Variants in P2RX5 observed in about 807,000 individuals in gnomAD.
P2RX5 encodes P2X purinoceptor 5.
Under a neutral mutation model 54.1 loss-of-function variants are expected in P2RX5, and 46 were observed. That is an observed-to-expected ratio of 0.85 (90% confidence interval 0.67 to 1.09). The LOEUF (loss-of-function observed/expected upper bound fraction) is 1.09. Ranked by LOEUF, P2RX5 falls within the 50% of genes least tolerant of loss-of-function variation. The probability of loss-of-function intolerance (pLI) is 0.00; values close to 1 mark genes in which losing one functional copy is unlikely to be tolerated. For missense variants in P2RX5, 566 were observed against 549.8 expected (o/e 1.03, Z -0.29); for synonymous variants, 226 against 226.4 (o/e 1.00, Z 0.02).
chr17:3,688,622 T>C lies in P2RX5; in HGVS notation c.887+4A>G. 6.2e-7 allele frequency: 1 copy of C among 1,614,068 alleles called. No homozygotes were observed. Among genetic ancestry groups the C allele is most frequent in the South Asian group, 1.1e-5 (1 of 91,082 alleles). On this transcript the variant is annotated splice_donor_region_variant and intron_variant, in intron 8 of 11. Coordinates refer to ENST00000225328, the MANE Select transcript of P2RX5 (RefSeq NM_002561.4). ...GTCACAAGTGGGCACAAGGCAGCGG[T>C]TACCTGAAGTTGTACCCGGAGGAGA...
At chr17:3,676,002 G>A in intron 11 of P2RX5, 1 of 985,376 alleles carries the variant, frequency 1.0e-6, no homozygotes, top group Non-Finnish European at 1.2e-6. Flanking sequence ...CAAAGCCTCA[G>A]TGGAGGGATG....
chr17:3,675,169 A>G (rs543855212), intron 11 of P2RX5: 1 of 163,464 alleles, frequency 6.1e-6, no homozygotes, highest in African/African-American at 2.4e-5. Flanking sequence ...CCTCCTGAGT[A>G]GCTGGGACTA....
At chr17:3,691,604 C>T (rs2050619105) in intron 2 of P2RX5, 40 bp downstream of exon 2, 13 of 1,613,502 alleles carry the variant, frequency 8.1e-6, no homozygotes, top group Non-Finnish European at 1.1e-5. Flanking sequence ...ACCAGGCAGT[C>T]CCTGCCAGCC....
the P2RX5 span, among the ~76,000 whole-genome samples, chr17:3,714,072 C>A: frequency 4.0e-5 from 6 of 151,560 alleles, no homozygotes; most frequent in Admixed American, 2.6e-4. Context: ...GGACTACAGG[C>A]ACCTGCCACC....
At chr17:3,708,662 A>G in the P2RX5 span, among the ~76,000 whole-genome samples, 2 of 152,336 alleles carry the variant, frequency 1.3e-5, no homozygotes, top group South Asian at 4.1e-4. Flanking sequence ...AGCAATTACA[A>G]AAAGTTTTTA....
the P2RX5 span, among the ~76,000 whole-genome samples, chr17:3,705,127 G>A: frequency 4.6e-5 from 7 of 152,148 alleles, no homozygotes; most frequent in Non-Finnish European, 7.3e-5. Flanking sequence ...TCCCGGCGCT[G>A]GCTTCCCCCA....
intron 11 of P2RX5, among the ~76,000 whole-genome samples, chr17:3,679,370 C>T (rs1383858616): frequency 6.6e-6 from 1 of 152,184 alleles, no homozygotes; most frequent in Non-Finnish European, 1.5e-5. Context: ...CAGCAGGCAC[C>T]CATGGCCATC....
upstream of P2RX5, among the ~76,000 whole-genome samples, chr17:3,700,508 G>A (rs929917859): frequency 6.6e-6 from 1 of 151,264 alleles, no homozygotes; most frequent in African/African-American, 2.4e-5. Context: ...ACTCCAGCCT[G>A]GGCGACAGAG....
chr17:3,690,348 G>T, intron 5 of P2RX5, 79 bp downstream of exon 5: 4 of 1,242,628 alleles, frequency 3.2e-6, no homozygotes, highest in South Asian at 1.2e-5. Context: ...CCCAGAGTGG[G>T]CAGGACTCCA....
At chr17:3,712,862 G>C in the P2RX5 span, among the ~76,000 whole-genome samples, 1 of 152,022 alleles carries the variant, frequency 6.6e-6, no homozygotes, top group African/African-American at 2.4e-5. Context: ...AGAATTGCTG[G>C]AACCCGGGAG....
chr17:3,673,282 A>C lies in P2RX5; in HGVS notation c.*586T>G. 1.0e-6 allele frequency: 1 copy of C among 991,826 alleles called. No homozygotes were observed. The highest frequency in any genetic ancestry group is 1.7e-5 in the African/African-American group (1 of 57,432). The allele number at this position is 991,826 out of a possible 1,614,324, so 61.4% of individuals were successfully genotyped here. On this transcript the variant is annotated 3_prime_UTR_variant, in exon 12 of 12. Coordinates refer to ENST00000225328, the MANE Select transcript of P2RX5 (RefSeq NM_002561.4). ...ACCAAATAAGAGTGTCAGAGAATAC[A>C]TATCTTGGGCAGGTCCCAGAAAGCG...
intron 9 of P2RX5, among the ~76,000 whole-genome samples, chr17:3,683,201 A>G (rs1407061517): frequency 6.6e-6 from 1 of 152,114 alleles, no homozygotes; most frequent in Admixed American, 6.5e-5. Context: ...TGGGGCCTGA[A>G]TGATAGAGGA....
At chr17:3,695,121 G>A (rs1346489633) in intron 1 of P2RX5, among the ~76,000 whole-genome samples, 1 of 152,226 alleles carries the variant, frequency 6.6e-6, no homozygotes, top group Non-Finnish European at 1.5e-5. Flanking sequence ...AGTGGAATGA[G>A]GCGCATCCCC....
At position 3,695,870 on chromosome 17, in the gene P2RX5, C is replaced by T. The variant is rs201411192; in HGVS notation, c.136G>A (p.Val46Ile). The T allele has an allele frequency of 6.5e-5, 104 of 1,603,586 alleles. No homozygotes were observed. The highest frequency in any genetic ancestry group is 2.8e-4 in the Admixed American group (17 of 59,704). ...LQASILAYLV[V>I]WVFLIKKGYQ... ...CCCAAAAGTCCGCGGAGAACTTACA[C>T]GACCAGGTACGCCAGGATGGAGGCC... Residue 46 changes from valine to isoleucine, a missense_variant and splice_region_variant, in exon 1 of 12, where the codon GTA (valine) becomes ATA (isoleucine). Val to Ile is a conservative substitution (Grantham distance 29). Coordinates refer to ENST00000225328, the MANE Select transcript of P2RX5 (RefSeq NM_002561.4).
rs2050025438 is a variant in P2RX5, at chr17:3,673,317, TCCC to T, written c.*548_*550del. 5 of 992,766 alleles carry T rather than the reference TCCC, an allele frequency of 5.0e-6. No homozygotes were observed. The highest frequency in any genetic ancestry group is 6.0e-6 in the Non-Finnish European group (5 of 833,670). 61.5% of individuals were successfully genotyped at this position (992,766 alleles called of 1,614,324 possible). ...CAGGTCCCAGAAAGCGTCTGCCATC[TCCC>T]CCACTTTAATTCTGTGTACTGGCCT... is the stretch of plus-strand genomic sequence containing the variant. On this transcript the variant is annotated 3_prime_UTR_variant, in exon 12 of 12. Coordinates refer to ENST00000225328, the MANE Select transcript of P2RX5 (RefSeq NM_002561.4).
Position 3,683,748 on chromosome 17 carries a change from A to AAAG in P2RX5, c.982-1771_982-1770insCTT, listed in dbSNP as rs71379594. ...CCGTCTCAAAAAAAAAAAAAAAAAA[A>AAAG]GAAAAGTGATAGCTGAAGGTGGGCC... On this transcript the variant is annotated intron_variant, in intron 9 of 11. Transcript: ENST00000225328. 3.4e-4 allele frequency among the ~76,000 whole-genome samples: 48 copies of AAAG among 142,448 alleles called. 3 individuals are homozygous for AAAG. Among genetic ancestry groups the AAAG allele is most frequent in the South Asian group, 4.4e-4 (2 of 4,540 alleles). The allele number at this position is 142,448 out of a possible 152,430, so 93.5% of individuals were successfully genotyped here. A position where few individuals can be genotyped will look rare whatever the true frequency, so the allele number is the denominator to read the frequency against.
chr17:3,690,726 C>A, intron 3 of P2RX5, 46 bp from the exon 4 acceptor site: 3 of 1,578,272 alleles, frequency 1.9e-6, no homozygotes, highest in East Asian at 2.2e-5. Context: ...TCCCCCAGCT[C>A]AGAGCCGGGT....
the P2RX5 span, among the ~76,000 whole-genome samples, chr17:3,707,975 G>A: frequency 8.0e-5 from 12 of 150,914 alleles, no homozygotes; most frequent in South Asian, 6.3e-4. Flanking sequence ...GGAGAATGGC[G>A]TGAACCCGGG....
Position 3,679,584 on chromosome 17 carries a change from C to T in P2RX5, c.1259+6G>A, listed in dbSNP as rs185353702. On this transcript the variant is annotated splice_donor_region_variant and intron_variant, in intron 11 of 11. Coordinates refer to ENST00000225328, the MANE Select transcript of P2RX5 (RefSeq NM_002561.4). ...TGTCGGGCTCTCTGCCTAGCAGTGG[C>T]CTCACCTGTGGGGCTCCAGGAGCTG... 9,803 of 1,605,840 alleles carry T rather than the reference C, an allele frequency of 6.1e-3. 40 individuals carry two copies. Among genetic ancestry groups the T allele is most frequent in the Middle Eastern group, 0.014 (86 of 6,046 alleles).
Sources: gnomAD v4.1 joint callset for allele counts (sites outside exome capture counted in the v4.1 genomes callset) on GRCh38, gnomAD v4.1.1 for gene constraint, MANE v1.5 for transcripts, NCBI Gene and HGNC (gene_info 2026-07-23, HGNC 2026-07-21) for gene names.